ASPRV1: variants seen among roughly 807,000 people sequenced by gnomAD.
The protein encoded by ASPRV1 is aspartic peptidase retroviral like 1, also known as retroviral-like aspartic protease 1.
A neutral mutation model predicts 11.0 loss-of-function variants in ASPRV1; 7 were observed. The ratio of observed to expected loss-of-function variants is 0.64; its 90% CI spans 0.36 to 1.20. The LOEUF (loss-of-function observed/expected upper bound fraction) is 1.20. Ranked by LOEUF, ASPRV1 falls within the 50% of genes most tolerant of loss-of-function variation. The pLI is 0.02. For missense variants in ASPRV1, 299 were observed against 320.0 expected (o/e 0.93, Z 0.50); for synonymous variants, 136 against 138.4 (o/e 0.98, Z 0.12).
upstream of ASPRV1, chr2:69,964,629 G>C: frequency 4.0e-6 from 1 of 249,202 alleles, no homozygotes. Flanking sequence ...TTATTGACAA[G>C]TATAGGTATT....
At chr2:70,082,000 C>CA in the ASPRV1 span, among the ~76,000 whole-genome samples, 1 of 151,760 alleles carries the variant, frequency 6.6e-6, no homozygotes, top group East Asian at 1.9e-4. Context: ...TTTTTTGAGA[C>CA]AGAGTCTCAC....
the ASPRV1 span, among the ~76,000 whole-genome samples, chr2:69,981,381 C>T: frequency 6.6e-6 from 1 of 152,114 alleles, no homozygotes; most frequent in African/African-American, 2.4e-5. Flanking sequence ...ATAATTAGGA[C>T]ACAAAACTAG....
the ASPRV1 span, among the ~76,000 whole-genome samples, chr2:70,016,668 G>A: frequency 1.3e-5 from 2 of 151,970 alleles, no homozygotes; most frequent in Non-Finnish European, 2.9e-5. Flanking sequence ...ACATGGTGAA[G>A]ACCCATCTCT....
At chr2:69,961,751 C>G, upstream of ASPRV1, 1 of 1,493,498 alleles carries the variant, frequency 6.7e-7, no homozygotes. Flanking sequence ...TCCGGCCGGA[C>G]TAGCAGGATG....
the ASPRV1 span, chr2:70,073,279 G>C: frequency 5.9e-5 from 9 of 152,086 alleles, no homozygotes; most frequent in East Asian, 1.7e-3. Context: ...TCAGCTCCAA[G>C]AGTTTTTATT....
At chr2:70,016,966 A>G in the ASPRV1 span, among the ~76,000 whole-genome samples, 2 of 152,194 alleles carry the variant, frequency 1.3e-5, no homozygotes, top group Non-Finnish European at 2.9e-5. Flanking sequence ...CCACATTAAC[A>G]GGAGGAAGGA....
the ASPRV1 span, among the ~76,000 whole-genome samples, chr2:70,008,776 T>G: frequency 2.0e-5 from 3 of 152,134 alleles, no homozygotes; most frequent in African/African-American, 7.2e-5. Context: ...GACTGCCTCC[T>G]TCTGGGATTG....
In ASPRV1 at chr2:69,961,385, C is replaced by A. The variant is rs149847323; in HGVS notation, c.52G>T (p.Val18Phe). The change falls in exon 1 of 1, where the codon GTC becomes TTC. Residue 18 changes from valine to phenylalanine, a missense_variant. By Grantham distance (50) the Val-to-Phe change is conservative. Coordinates refer to ENST00000320256, the MANE Select transcript of ASPRV1 (RefSeq NM_152792.4). ...TTGGCCCCATCAAAAGGTTCCGGGACGAAGGCATGCTGCCGGCGGCCTTCC... is the reference window on the plus strand; with the variant it reads ...TTGGCCCCATCAAAAGGTTCCGGGAAGAAGGCATGCTGCCGGCGGCCTTCC... ...SEEGRRQHAFVPEPFDGANVV... is the reference protein window; with the variant it reads ...SEEGRRQHAFFPEPFDGANVV... The A allele has an allele frequency of 1.2e-6, 2 of 1,614,122 alleles. No individual in the cohort carries two copies. Among genetic ancestry groups the A allele is most frequent in the Non-Finnish European group, 1.7e-6 (2 of 1,180,034 alleles).
chr2:70,012,023 G>A, the ASPRV1 span: 2 of 152,304 alleles, frequency 1.3e-5, no homozygotes, highest in African/African-American at 4.8e-5. Flanking sequence ...AAATGAGGCC[G>A]AGGGAGGCTG....
chr2:70,086,822 C>T, the ASPRV1 span, among the ~76,000 whole-genome samples: 1 of 152,248 alleles, frequency 6.6e-6, no homozygotes, highest in Non-Finnish European at 1.5e-5. Context: ...GCACGCCCCA[C>T]AAACAGCAGA....
At chr2:69,978,679 CTGG>C in the ASPRV1 span, among the ~76,000 whole-genome samples, 1 of 152,194 alleles carries the variant, frequency 6.6e-6, no homozygotes, top group African/African-American at 2.4e-5. Flanking sequence ...TGAGGGTGTC[CTGG>C]TGAGGCAGTG....
the ASPRV1 span, among the ~76,000 whole-genome samples, chr2:70,005,698 T>C: frequency 6.6e-6 from 1 of 152,196 alleles, no homozygotes; most frequent in African/African-American, 2.4e-5. Context: ...GTCTTCAACA[T>C]CCTTAATTTC....
chr2:69,958,529 G>A (rs1417995489), downstream of ASPRV1, among the ~76,000 whole-genome samples: 3 of 152,072 alleles, frequency 2.0e-5, no homozygotes, highest in African/African-American at 7.2e-5. Context: ...TGGAATTCTG[G>A]CCTGGCCACC....
the ASPRV1 span, among the ~76,000 whole-genome samples, chr2:70,074,810 G>A: frequency 2.0e-5 from 3 of 151,430 alleles, no homozygotes; most frequent in Non-Finnish European, 2.9e-5. Context: ...GCAGTAGAGT[G>A]CAGAGGTTAA....
chr2:70,047,151 T>C, the ASPRV1 span, among the ~76,000 whole-genome samples: 1 of 152,178 alleles, frequency 6.6e-6, no homozygotes, highest in Non-Finnish European at 1.5e-5. Context: ...TGCTCAGTCC[T>C]GGGATACAGC....
chr2:70,054,563 C>G, the ASPRV1 span, among the ~76,000 whole-genome samples: 1 of 150,624 alleles, frequency 6.6e-6, no homozygotes, highest in African/African-American at 2.4e-5. Flanking sequence ...GGTGACAGAG[C>G]AAGACTCCGT....
At chr2:69,962,971 G>A (rs560957648), upstream of ASPRV1, 21 of 294,886 alleles carry the variant, frequency 7.1e-5, no homozygotes, top group Middle Eastern at 1.3e-3. Context: ...AGGAAGACTC[G>A]ATGGCACACC....
chr2:70,072,833 C>G, the ASPRV1 span, among the ~76,000 whole-genome samples: 1 of 150,086 alleles, frequency 6.7e-6, no homozygotes, highest in Admixed American at 6.7e-5. Flanking sequence ...AGAAGGATCA[C>G]TTGACCCCAG....
the ASPRV1 span, among the ~76,000 whole-genome samples, chr2:70,038,456 G>A: frequency 6.6e-6 from 1 of 152,274 alleles, no homozygotes; most frequent in East Asian, 1.9e-4. Flanking sequence ...GTGATCACCT[G>A]TAAGTGCTAG....
Sources: allele counts gnomAD v4.1 joint callset (sites outside exome capture counted in the v4.1 genomes callset), GRCh38; gene constraint gnomAD v4.1.1; transcripts MANE v1.5; gene names NCBI Gene and HGNC (gene_info 2026-07-23, HGNC 2026-07-21).